Variants in NBPF19 observed in about 807,000 individuals in gnomAD.
NBPF19 encodes NBPF member 19.
In NBPF19, 30 loss-of-function variants were observed where a neutral mutation model predicts 45.9. The observed-to-expected ratio is 0.65, with a 90% CI of 0.49 to 0.89. The LOEUF (loss-of-function observed/expected upper bound fraction) is 0.89. Among genes scored for constraint, NBPF19 ranks in the 40% least tolerant of loss-of-function variants. The probability of loss-of-function intolerance (pLI) is 0.00; values close to 1 mark genes in which losing one functional copy is unlikely to be tolerated. For synonymous variants in NBPF19, 183 were observed against 181.2 expected, an observed-to-expected ratio of 1.01 and a Z score of -0.08; for missense variants, 495 against 471.8, an observed-to-expected ratio of 1.05 and a Z score of -0.46.
rs1553710524 is a variant in NBPF19, at chr1:149,487,458, T to G, written c.1040+75T>G. On this transcript the variant is annotated intron_variant, in intron 9 of 93. Transcript: ENST00000651566. ...TGCCAAGTCCAGGGAAAACAGTACA[T>G]GCTGAAAATAATGATTTTGTCTTGT... The G allele has an allele frequency of 2.7e-5, 26 of 949,080 alleles. No homozygotes were observed. The East Asian group carries it at 6.0e-4, about 22-fold the overall frequency. 58.8% of individuals were successfully genotyped at this position (949,080 alleles called of 1,614,324 possible). A position where few individuals can be genotyped will look rare whatever the true frequency, so the allele number is the denominator to read the frequency against.
intron 3 of NBPF19, 39 bp downstream of exon 3, chr1:149,478,086 G>A: frequency 1.3e-6 from 2 of 1,485,502 alleles, no homozygotes; most frequent in South Asian, 2.2e-5. Flanking sequence ...GCGGGTAGGT[G>A]TGTAGATCTC....
intron 9 of NBPF19, among the ~76,000 whole-genome samples, 182 bp from the exon 10 acceptor site, chr1:149,487,827 TTCTC>T (rs2085694033): frequency 7.2e-5 from 9 of 124,630 alleles, no homozygotes; most frequent in African/African-American, 2.9e-4. Flanking sequence ...GTGTGTGTCT[TTCTC>T]GTTCATCCTT....
intron 2 of NBPF19, 108 bp from the exon 3 acceptor site, chr1:149,477,837 C>G (rs1393002362): frequency 3.7e-6 from 3 of 821,488 alleles, no homozygotes; most frequent in Non-Finnish European, 6.1e-6. Context: ...GACCCTGGTA[C>G]TGGGGAGAGT....
intron 61 of NBPF19, among the ~76,000 whole-genome samples, chr1:149,528,943 CTCTGTGTGTGTGTGTGTG>C (rs2086910866): frequency 8.0e-6 from 1 of 125,360 alleles, no homozygotes; most frequent in Non-Finnish European, 1.7e-5. Flanking sequence ...CGTTCTCTCT[CTCTGTGTGTGTGTGTGTG>C]TGTGTGTGTG....
intron 61 of NBPF19, among the ~76,000 whole-genome samples, chr1:149,528,959 G>A (rs61812516): frequency 8.3e-6 from 1 of 120,560 alleles, no homozygotes. Context: ...GTGTGTGTGT[G>A]TGTGTGTGTG....
chr1:149,529,121 CTGT>C, intron 61 of NBPF19, 50 bp from the exon 62 acceptor site: 1 of 203,064 alleles, frequency 4.9e-6, no homozygotes, highest in Non-Finnish European at 8.6e-6. Flanking sequence ...AGTTGGGGCT[CTGT>C]TGTGTGTGAT....
intron 2 of NBPF19, among the ~76,000 whole-genome samples, chr1:149,477,283 G>C (rs1379162326): frequency 6.6e-6 from 1 of 150,876 alleles, no homozygotes; most frequent in Non-Finnish European, 1.5e-5. Flanking sequence ...CTATCTATTA[G>C]TTCTTCATTC....
chr1:149,519,435 C>CTG (rs2086606864), intron 49 of NBPF19, among the ~76,000 whole-genome samples: 1 of 17,500 alleles, frequency 5.7e-5, no homozygotes, highest in Non-Finnish European at 1.0e-4. Context: ...AGCTCGTTCT[C>CTG]TCTCTCTCTC....
chr1:149,480,385 A>G (rs9441239), intron 5 of NBPF19, among the ~76,000 whole-genome samples, 171 bp downstream of exon 5: 35 of 148,682 alleles, frequency 2.4e-4, no homozygotes, highest in Non-Finnish European at 3.1e-4. Context: ...ATGTTTCTCT[A>G]TGTGTGCTGA....
chr1:149,482,616 A>G (rs1464477769), intron 7 of NBPF19, among the ~76,000 whole-genome samples: 3 of 152,102 alleles, frequency 2.0e-5, no homozygotes, highest in Non-Finnish European at 2.9e-5. Flanking sequence ...AGTTATTTTA[A>G]TTGTGATGTT....
chr1:149,554,608 A>T lies in NBPF19; in HGVS notation c.11402A>T (p.Tyr3801Phe). Residue 3801 changes from tyrosine to phenylalanine, a missense_variant, in exon 94 of 94, where the codon TAC becomes TTC. Physicochemically the swap from Tyr to Phe is conservative, Grantham distance 22. Transcript: ENST00000651566. The stretch of plus-strand genomic sequence containing the variant: ...GAACTACCTGACTCATTCCAGCACT[A>T]CAGAAGTGTGTTTTACTCATTTGAG... ...YFELPDSFQHYRSVFYSFEEE... is the reference protein window; with the variant it reads ...YFELPDSFQHFRSVFYSFEEE... 1.2e-6 allele frequency: 2 copies of T among 1,608,274 alleles called. No homozygotes were observed. Among genetic ancestry groups the T allele is most frequent in the African/African-American group, 1.3e-5 (1 of 74,776 alleles).
intron 12 of NBPF19, 104 bp from the exon 13 acceptor site, chr1:149,490,339 C>A: frequency 9.7e-5 from 1 of 10,354 alleles, no homozygotes; most frequent in South Asian, 5.8e-4. Flanking sequence ...GTCCTGTTCT[C>A]ATGCTGAGGA....
Position 149,554,947 on chromosome 1 carries a change from A to T in NBPF19, c.*209A>T. ...CACGTTAGGTGTGACACGTTCACAT[A>T]ACTGTGCAGCACATGCCGGGAGTGA... On this transcript the variant is annotated 3_prime_UTR_variant, in exon 94 of 94. Coordinates refer to ENST00000651566, the MANE Select transcript of NBPF19 (RefSeq NM_001351365.2). 2.4e-6 allele frequency: 2 copies of T among 845,760 alleles called. No homozygotes were observed. Among genetic ancestry groups the T allele is most frequent in the Non-Finnish European group, 3.7e-6 (2 of 544,260 alleles). 52.4% of individuals were successfully genotyped at this position (845,760 alleles called of 1,614,324 possible).
intron 13 of NBPF19, 41 bp from the exon 14 acceptor site, chr1:149,491,098 A>T: frequency 4.5e-6 from 1 of 220,776 alleles, no homozygotes; most frequent in Non-Finnish European, 7.9e-6. Context: ...GTTGTGTGTG[A>T]TTTCCCCTGG....
chr1:149,554,546 A>G lies in NBPF19; in HGVS notation c.11340A>G (p.Ser3780=). 1 of 1,608,246 alleles carries G rather than the reference A, an allele frequency of 6.2e-7. No homozygotes were observed. The highest frequency in any genetic ancestry group is 8.5e-7 in the Non-Finnish European group (1 of 1,176,742). ...AAGAGCCTGAAGTCTTACAGGACTCACTGGATGGATGTTATTCGACTCCGT... is the reference window on the plus strand; with the variant it reads ...AAGAGCCTGAAGTCTTACAGGACTCGCTGGATGGATGTTATTCGACTCCGT... The part of the protein sequence containing the change: ...EVEEPEVLQD[S]LDGCYSTPSM... The change falls in exon 94 of 94, where the codon TCA becomes TCG. Residue 3780 remains serine, a synonymous_variant. Transcript: ENST00000651566.
At position 149,478,079 on chromosome 1, in the gene NBPF19, G is replaced by A. The variant is rs1206920229; in HGVS notation, c.278+32G>A. 17 of 1,538,426 alleles carry A rather than the reference G, an allele frequency of 1.1e-5. 1 individual carries two copies. The South Asian group carries it at 1.8e-4, about 16-fold the overall frequency. Reference sequence around the variant, plus strand: ...GGACCCCGTGGGGGGAGGGCAGGCGGGTAGGTGTGTAGATCTCTGAAGTAC... The same window carrying A: ...GGACCCCGTGGGGGGAGGGCAGGCGAGTAGGTGTGTAGATCTCTGAAGTAC... On this transcript the variant is annotated intron_variant, in intron 3 of 93. Transcript: ENST00000651566.
chr1:149,478,837 C>G (rs1395004452), intron 3 of NBPF19, 43 bp from the exon 4 acceptor site: 1 of 1,512,108 alleles, frequency 6.6e-7, no homozygotes, highest in African/African-American at 1.4e-5. Context: ...ACGGATCACT[C>G]AACCCTTTCT....
chr1:149,491,250 C>G lies in NBPF19; in HGVS notation c.1602C>G (p.Pro534=), dbSNP rs2085856252. ...SCLEQPDSCQ[P]YGSSFYALEE... ...TTGAACAGCCTGACTCCTGCCAGCC[C>G]TATGGAAGTTCCTTTTATGCATTGG... Residue 534 remains proline, a synonymous_variant, in exon 14 of 94, where the codon CCC becomes CCG. Transcript: ENST00000651566. 1.9e-5 allele frequency: 5 copies of G among 264,244 alleles called. No homozygotes were observed. Among genetic ancestry groups the G allele is most frequent in the African/African-American group, 1.2e-4 (1 of 8,302 alleles). The allele number at this position is 264,244 out of a possible 1,614,324, so 16.4% of individuals were successfully genotyped here.
intron 17 of NBPF19, among the ~76,000 whole-genome samples, 156 bp from the exon 18 acceptor site, chr1:149,494,162 G>T (rs1287141704): frequency 0.042 from 4,864 of 117,174 alleles, 1 homozygote; most frequent in South Asian, 0.049. Flanking sequence ...CCTGGCCCTG[G>T]TCTATCCCAA....
Sources: gnomAD v4.1 joint callset for allele counts (sites outside exome capture counted in the v4.1 genomes callset) on GRCh38, gnomAD v4.1.1 for gene constraint, MANE v1.5 for transcripts, NCBI Gene and HGNC (gene_info 2026-07-23, HGNC 2026-07-21) for gene names.